Variants in ECE1 observed in about 807,000 individuals in gnomAD.
The protein encoded by ECE1 is endothelin converting enzyme 1.
Under a neutral mutation model 98.6 loss-of-function variants are expected in ECE1, and 35 were observed. The ratio of observed to expected loss-of-function variants is 0.35; its 90% CI spans 0.27 to 0.47. The LOEUF is 0.47. Ranked by LOEUF, ECE1 falls within the 20% of genes least tolerant of loss-of-function variation. The probability of loss-of-function intolerance (pLI) is 1.00; values close to 1 mark genes in which losing one functional copy is unlikely to be tolerated. For synonymous variants in ECE1, 394 were observed against 407.1 expected (o/e 0.97, Z 0.39); for missense variants, 814 against 1,025.3 (o/e 0.79, Z 2.81).
chr1:21,320,365 G>C (rs1638935284), intron 1 of ECE1, among the ~76,000 whole-genome samples: 1 of 152,230 alleles, frequency 6.6e-6, no homozygotes, highest in Non-Finnish European at 1.5e-5. Context: ...TGAGAGGTAG[G>C]CGCTAAGCAC....
At chr1:21,230,254 C>T (rs1156253356) in intron 14 of ECE1, among the ~76,000 whole-genome samples, 2 of 152,078 alleles carry the variant, frequency 1.3e-5, no homozygotes, top group African/African-American at 4.8e-5. Context: ...GTGCAATTAA[C>T]CTTTAAAAAA....
At chr1:21,238,098 G>T in intron 11 of ECE1, 36 bp downstream of exon 11, 2 of 1,586,812 alleles carry the variant, frequency 1.3e-6, no homozygotes, top group South Asian at 2.2e-5. Context: ...CAACAAGTGT[G>T]ACCTCACAGC....
chr1:21,344,922 G>C (rs1639468945), intron 1 of ECE1: 2 of 153,596 alleles, frequency 1.3e-5, no homozygotes, highest in Admixed American at 1.3e-4. Flanking sequence ...GCCCCAAGGC[G>C]AGCCCCAGAC....
Position 21,290,107 on chromosome 1 carries a change from G to A in ECE1, c.101C>T (p.Ser34Leu). 1 of 1,553,798 alleles carries A rather than the reference G, an allele frequency of 6.4e-7. No individual in the cohort carries two copies. Among genetic ancestry groups the A allele is most frequent in the Non-Finnish European group, 8.7e-7 (1 of 1,150,632 alleles). Residue 34 changes from serine (S) to leucine (L), a missense_variant, in exon 2 of 19, where the codon TCG becomes TTG. Ser to Leu is a moderately radical substitution (Grantham distance 145, BLOSUM62 -2). Around this residue, in one of 3 missense-constraint regions of ECE1, gnomAD observed 257 missense variants for 278.9 expected, o/e 0.92. Coordinates refer to ENST00000374893, the MANE Select transcript of ECE1 (RefSeq NM_001397.3). This position sits in a 1 kb window ranked among gnomAD's most constrained non-coding sequence, Gnocchi z 7.3. ...GGGGTATGCGTCGCCCTCGGAGAGC[G>A]AGTCCACCAGGTCCTCCTCGTCCAG... The part of the protein sequence containing the change: ...ATLDEEDLVD[S>L]LSEGDAYPNG...
At position 21,230,386 on chromosome 1, in the gene ECE1, C is replaced by CT. The variant is rs1403007196; in HGVS notation, c.1671-2346dup. Among the ~76,000 whole-genome samples, 3 of 151,758 alleles carry CT rather than the reference C, an allele frequency of 2.0e-5. No homozygotes were observed. The East Asian group carries it at 5.8e-4, about 29-fold the overall frequency. On this transcript the variant is annotated intron_variant, in intron 14 of 18. Coordinates refer to ENST00000374893, the MANE Select transcript of ECE1 (RefSeq NM_001397.3). ...AATTCCTATGTGAGGCAAGAATTCT[C>CT]TTTTTTTTGAAACAAAGTCTTGTTC...
chr1:21,324,680 G>A (rs1417518171), intron 1 of ECE1, among the ~76,000 whole-genome samples: 2 of 152,182 alleles, frequency 1.3e-5, no homozygotes, highest in African/African-American at 4.8e-5. Context: ...CAGGCAGAAG[G>A]AGCCCGCGGG....
intron 1 of ECE1, among the ~76,000 whole-genome samples, chr1:21,296,664 C>T (rs745652967): frequency 3.0e-4 from 46 of 152,206 alleles, no homozygotes; most frequent in Admixed American, 1.5e-3. Flanking sequence ...CCCCATTTTA[C>T]AGATGCAGAG....
At chr1:21,274,628 T>C (rs1240135697) in intron 3 of ECE1, among the ~76,000 whole-genome samples, 1 of 152,180 alleles carries the variant, frequency 6.6e-6, no homozygotes, top group Non-Finnish European at 1.5e-5. Flanking sequence ...ATGGGCAGTG[T>C]TCCCCTCACT....
intron 2 of ECE1, chr1:21,279,602 A>T: frequency 2.1e-6 from 3 of 1,433,220 alleles, no homozygotes; most frequent in South Asian, 1.5e-5. Context: ...ATATGAGTGG[A>T]AGGAAAAAAC....
At chr1:21,231,025 T>C (rs1424202759) in intron 14 of ECE1, among the ~76,000 whole-genome samples, 1 of 151,244 alleles carries the variant, frequency 6.6e-6, no homozygotes, top group Non-Finnish European at 1.5e-5. Context: ...ATGGGGTTTC[T>C]CCATGTTGGT....
chr1:21,255,966 A>C lies in ECE1; in HGVS notation c.1001T>G (p.Val334Gly). 1 of 1,614,104 alleles carries C rather than the reference A, an allele frequency of 6.2e-7. No individual in the cohort carries two copies. Among genetic ancestry groups the C allele is most frequent in the Non-Finnish European group, 8.5e-7 (1 of 1,179,994 alleles). Reference sequence around the variant, plus strand: ...AGTTACCTGCAGCTCGGCTGCCGTCACTTTGTGGTAGATGAGCTCCTCATC... The same window carrying C: ...AGTTACCTGCAGCTCGGCTGCCGTCCCTTTGTGGTAGATGAGCTCCTCATC... ...RRDEELIYHKVTAAELQTLAP... is the reference protein window; with the variant it reads ...RRDEELIYHKGTAAELQTLAP... The change falls in exon 8 of 19, where the codon GTG becomes GGG. Residue 334 changes from valine to glycine, a missense_variant. Physicochemically the swap from Val to Gly is moderately radical, Grantham distance 109. This residue lies in a region of ECE1 where 105 missense variants were observed against 179.1 expected (regional missense o/e 0.59). Transcript: ENST00000374893.
chr1:21,321,215 C>A (rs955719758), intron 1 of ECE1, among the ~76,000 whole-genome samples: 1 of 152,196 alleles, frequency 6.6e-6, no homozygotes, highest in Non-Finnish European at 1.5e-5. Context: ...TGCTGCTCCC[C>A]AGGCTGGCCC....
rs71014183 is a variant in ECE1, at chr1:21,304,315, CAAAAAAAAAA to C, written c.4-14169_4-14160del. On this transcript the variant is annotated intron_variant, in intron 1 of 18. Coordinates refer to the ECE1 transcript ENST00000415912. Reference sequence around the variant, plus strand: ...TGGGCAACAGAGCGAGACTCCCTCTCAAAAAAAAAAAAAAAAAAAAAAAAAAAAGATACGC... The same window carrying C: ...TGGGCAACAGAGCGAGACTCCCTCTCAAAAAAAAAAAAAAAAAAGATACGC... Among the ~76,000 whole-genome samples the C allele has an allele frequency of 1.5e-3, 75 of 48,624 alleles. 1 individual carries two copies. The highest frequency in any genetic ancestry group is 0.027 in the Middle Eastern group (2 of 74). 31.9% of individuals were successfully genotyped at this position (48,624 alleles called of 152,430 possible). A position where few individuals can be genotyped will look rare whatever the true frequency, so the allele number is the denominator to read the frequency against.
At chr1:21,338,624 A>C (rs1024161134) in intron 1 of ECE1, among the ~76,000 whole-genome samples, 2 of 152,242 alleles carry the variant, frequency 1.3e-5, no homozygotes, top group African/African-American at 4.8e-5. Context: ...CCCTGGAGTC[A>C]GTCTGCTCCA....
rs182680239 is a variant in ECE1, at chr1:21,228,062, G to C, written c.1671-21C>G. The C allele has an allele frequency of 7.8e-3, 12,096 of 1,546,496 alleles. 66 individuals are homozygous for C. The highest frequency in any genetic ancestry group is 9.7e-3 in the Non-Finnish European group (11,070 of 1,143,110). On this transcript the variant is annotated intron_variant, in intron 14 of 18. Coordinates refer to ENST00000374893, the MANE Select transcript of ECE1 (RefSeq NM_001397.3). ...TCCACCTGCAAGCAACACACATGCA[G>C]GAGGTCTCAGCACAGGGCGGGAGGC...
chr1:21,219,659 C>T lies in ECE1; in HGVS notation c.*296G>A, dbSNP rs146140052. The stretch of plus-strand genomic sequence containing the variant: ...GCATTTGACACAGTGGTATTTGTGG[C>T]GTATCTGGCGCTTGTCAGTGTGGGG... On this transcript the variant is annotated 3_prime_UTR_variant, in exon 19 of 19. Coordinates refer to ENST00000374893, the MANE Select transcript of ECE1 (RefSeq NM_001397.3). The surrounding 1 kb of genome is among the most constrained non-coding windows in gnomAD (Gnocchi z 4.5). 2.1e-4 allele frequency: 97 copies of T among 471,990 alleles called. No homozygotes were observed. In the East Asian group the frequency reaches 3.2e-3, roughly 15 times the overall value. The allele number at this position is 471,990 out of a possible 1,614,324, so 29.2% of individuals were successfully genotyped here.
At position 21,235,700 on chromosome 1, in the gene ECE1, C is replaced by G; in HGVS notation, c.1566+150G>C. Reference sequence around the variant, plus strand: ...AAGAAGAAGAAGAGGCTTCCTCATGCCTGACCCATACCCAAGCCCCACACC... The same window carrying G: ...AAGAAGAAGAAGAGGCTTCCTCATGGCTGACCCATACCCAAGCCCCACACC... On this transcript the variant is annotated intron_variant, in intron 13 of 18. Coordinates refer to ENST00000374893, the MANE Select transcript of ECE1 (RefSeq NM_001397.3). This position sits in a 1 kb window ranked among gnomAD's most constrained non-coding sequence, Gnocchi z 4.2. 1.1e-6 allele frequency: 1 copy of G among 874,896 alleles called. No homozygotes were observed. 54.2% of individuals were successfully genotyped at this position (874,896 alleles called of 1,614,324 possible). A position where few individuals can be genotyped will look rare whatever the true frequency, so the allele number is the denominator to read the frequency against.
At position 21,260,089 on chromosome 1, in the gene ECE1, C is replaced by T. The variant is rs567889039; in HGVS notation, c.615+182G>A. On this transcript the variant is annotated intron_variant, in intron 5 of 18. Transcript: ENST00000374893. The surrounding 1 kb of genome is among the most constrained non-coding windows in gnomAD (Gnocchi z 4.3). ...CACAGACAACCCACCCACGCAGCTA[C>T]GCAATGTGCTCACACTCACATGTGC... Among the ~76,000 whole-genome samples, 143 of 152,364 alleles carry T rather than the reference C, an allele frequency of 9.4e-4. No individual in the cohort carries two copies. The highest frequency in any genetic ancestry group is 3.2e-3 in the African/African-American group (135 of 41,590).
chr1:21,252,300 A>G (rs147850976), intron 8 of ECE1, among the ~76,000 whole-genome samples: 9 of 152,312 alleles, frequency 5.9e-5, no homozygotes, highest in Non-Finnish European at 1.3e-4. Context: ...GTGAACTCCT[A>G]TCTTAAACAC....
Sources: allele counts gnomAD v4.1 joint callset (sites outside exome capture counted in the v4.1 genomes callset), GRCh38; gene constraint gnomAD v4.1.1; regional missense constraint gnomAD v4.1.1; non-coding constraint Gnocchi (gnomAD v3.1); transcripts MANE v1.5; gene names NCBI Gene and HGNC (gene_info 2026-07-23, HGNC 2026-07-21).